The following PKIB variants were observed in gnomAD, a reference collection of about 807,000 sequenced individuals.
PKIB encodes the protein cAMP-dependent protein kinase inhibitor beta, also known as PKI-beta.
PKIB carries 2 observed loss-of-function variants against 4.5 expected under a neutral mutation model. That is an observed-to-expected ratio of 0.44 (90% CI 0.18 to 1.39). PKIB has a LOEUF of 1.39. PKIB is among the 40% of genes most tolerant of loss of function. The pLI, the probability that PKIB is intolerant of heterozygous loss-of-function variation, is 0.27. For synonymous variants in PKIB, 38 were observed against 36.0 expected, an observed-to-expected ratio of 1.06 and a Z score of -0.20; for missense variants, 94 against 92.6, an observed-to-expected ratio of 1.02 and a Z score of -0.06.
At chr6:122,667,114 A>T (rs9482264) in intron 2 of PKIB, among the ~76,000 whole-genome samples, 40,860 of 152,070 alleles carry the variant, frequency 0.27, 6,285 homozygotes, top group Non-Finnish European at 0.34. Flanking sequence ...GTGAGCACAA[A>T]TGTTTATAGA....
chr6:122,716,355 A>G (rs866304511), intron 3 of PKIB, among the ~76,000 whole-genome samples: 1 of 152,292 alleles, frequency 6.6e-6, no homozygotes, highest in Non-Finnish European at 1.5e-5. Flanking sequence ...AATGGAGCAC[A>G]TTCTTTTTGA....
chr6:122,542,628 C>T (rs1012852222), intron 2 of PKIB, among the ~76,000 whole-genome samples: 2 of 152,086 alleles, frequency 1.3e-5, no homozygotes, highest in Non-Finnish European at 2.9e-5. Flanking sequence ...TCTGCCCCTA[C>T]TGGGGGGTGC....
At chr6:122,502,704 C>T (rs910154989) in intron 2 of PKIB, among the ~76,000 whole-genome samples, 1 of 152,054 alleles carries the variant, frequency 6.6e-6, no homozygotes, top group Non-Finnish European at 1.5e-5. Context: ...AGAGCTAAAC[C>T]ACATCATGTG....
At chr6:122,642,219 C>T (rs1468835762) in intron 2 of PKIB, among the ~76,000 whole-genome samples, 5 of 152,168 alleles carry the variant, frequency 3.3e-5, no homozygotes, top group South Asian at 2.1e-4. Context: ...TCATTCTTTT[C>T]TTAAATAAAC....
At chr6:122,715,532 C>T (rs1448293229) in intron 3 of PKIB, among the ~76,000 whole-genome samples, 1 of 151,244 alleles carries the variant, frequency 6.6e-6, no homozygotes, top group African/African-American at 2.4e-5. Flanking sequence ...CACAAGATAA[C>T]CAAACATTCA....
chr6:122,539,858 A>C (rs1022145441), intron 2 of PKIB, among the ~76,000 whole-genome samples: 8 of 151,946 alleles, frequency 5.3e-5, no homozygotes, highest in African/African-American at 1.7e-4. Context: ...ACAATTTCAG[A>C]TCCTGTTATT....
chr6:122,517,380 C>T (rs565920088), intron 2 of PKIB, among the ~76,000 whole-genome samples: 2 of 152,156 alleles, frequency 1.3e-5, no homozygotes, highest in Admixed American at 1.3e-4. Flanking sequence ...AAATATTAAA[C>T]AAATATTCCC....
chr6:122,579,274 C>A (rs1325047042), intron 2 of PKIB, among the ~76,000 whole-genome samples: 5 of 152,212 alleles, frequency 3.3e-5, no homozygotes, highest in Non-Finnish European at 7.3e-5. Context: ...TGACACAACA[C>A]CTGCTTTTCC....
chr6:122,487,617 C>T (rs1390094620), intron 2 of PKIB, among the ~76,000 whole-genome samples: 1 of 152,074 alleles, frequency 6.6e-6, no homozygotes, highest in African/African-American at 2.4e-5. Flanking sequence ...TGAGACAGGC[C>T]CAACTGTAGC....
chr6:122,567,537 T>G (rs1773228948), intron 2 of PKIB, among the ~76,000 whole-genome samples: 1 of 152,204 alleles, frequency 6.6e-6, no homozygotes, highest in Non-Finnish European at 1.5e-5. Context: ...CAGCATTAGT[T>G]ATCTTCACTC....
intron 2 of PKIB, among the ~76,000 whole-genome samples, chr6:122,540,228 G>C (rs1304869279): frequency 6.6e-6 from 1 of 152,022 alleles, no homozygotes; most frequent in East Asian, 1.9e-4. Context: ...GCTAGCTTTT[G>C]AATGTGTTTG....
At chr6:122,675,029 G>A (rs1777616276) in intron 2 of PKIB, 49 bp from the exon 3 acceptor site, 1 of 150,932 alleles carries the variant, frequency 6.6e-6, no homozygotes, top group Non-Finnish European at 1.5e-5. Flanking sequence ...TTGATTAACT[G>A]GATTGCCACC....
At chr6:122,565,270 G>C (rs1364435459) in intron 2 of PKIB, among the ~76,000 whole-genome samples, 1 of 152,106 alleles carries the variant, frequency 6.6e-6, no homozygotes, top group Admixed American at 6.5e-5. Context: ...TTCTTGGGAA[G>C]GTCCTGGAGA....
In PKIB at chr6:122,553,481, C is replaced by CTTTTTTTTTTTTTTTTTTTTT. The variant is rs533553939; in HGVS notation, c.-247-32438_-247-32418dup. ...TCTCTCAAGATTGCTCAAATATCTT[C>CTTTTTTTTTTTTTTTTTTTTT]TTTTTTTTTTTTTTTTTTTTTTCTG... On this transcript the variant is annotated intron_variant, in intron 2 of 6. Transcript: ENST00000392491. Among the ~76,000 whole-genome samples, 164 of 65,804 alleles carry CTTTTTTTTTTTTTTTTTTTTT rather than the reference C, an allele frequency of 2.5e-3. 35 individuals carry two copies. The highest frequency in any genetic ancestry group is 4.4e-3 in the East Asian group (8 of 1,826). The allele number at this position is 65,804 out of a possible 152,430, so 43.2% of individuals were successfully genotyped here. A position where few individuals can be genotyped will look rare whatever the true frequency, so the allele number is the denominator to read the frequency against.
intron 2 of PKIB, among the ~76,000 whole-genome samples, chr6:122,659,699 TA>T (rs1187760051): frequency 1.3e-5 from 2 of 152,206 alleles, no homozygotes; most frequent in Non-Finnish European, 2.9e-5. Context: ...AACTGTAATT[TA>T]ATAACTCTCA....
chr6:122,689,955 A>G (rs1240635694), intron 3 of PKIB, among the ~76,000 whole-genome samples: 2 of 152,106 alleles, frequency 1.3e-5, no homozygotes, highest in Non-Finnish European at 2.9e-5. Context: ...ATGCATATAT[A>G]TTTAAAATTG....
intron 2 of PKIB, among the ~76,000 whole-genome samples, chr6:122,542,422 G>C (rs1165322623): frequency 6.6e-6 from 1 of 152,066 alleles, no homozygotes; most frequent in Non-Finnish European, 1.5e-5. Context: ...TCAGCTGCAG[G>C]TCTGTTGGAG....
intron 2 of PKIB, among the ~76,000 whole-genome samples, chr6:122,522,453 C>A (rs1373285031): frequency 6.6e-6 from 1 of 152,088 alleles, no homozygotes; most frequent in African/African-American, 2.4e-5. Context: ...CAAACAACAA[C>A]AACAAAAAAC....
chr6:122,525,976 T>C (rs1405358534), intron 2 of PKIB, among the ~76,000 whole-genome samples: 2 of 152,192 alleles, frequency 1.3e-5, no homozygotes, highest in Non-Finnish European at 1.5e-5. Context: ...ATTTATCAAC[T>C]ATGTTTATGT....
Sources: gnomAD v4.1 joint callset for allele counts (sites outside exome capture counted in the v4.1 genomes callset) on GRCh38, gnomAD v4.1.1 for gene constraint, MANE v1.5 for transcripts, NCBI Gene and HGNC (gene_info 2026-07-23, HGNC 2026-07-21) for gene names.